TULP3: variants seen among roughly 807,000 people sequenced by gnomAD.
TULP3 encodes tubby-related protein 3.
In TULP3, 38 loss-of-function variants were observed where a neutral mutation model predicts 50.7. The observed-to-expected ratio is 0.75, with a 90% CI of 0.58 to 0.98. TULP3 has a LOEUF of 0.98. Among genes scored for constraint, TULP3 ranks in the 50% least tolerant of loss-of-function variants. TULP3 has a pLI of 0.00. For missense variants in TULP3, 550 were observed against 568.0 expected (o/e 0.97, Z 0.32); for synonymous variants, 183 against 196.6 (o/e 0.93, Z 0.58).
chr12:2,907,846 A>G (rs1487073867), intron 1 of TULP3, among the ~76,000 whole-genome samples: 1 of 152,200 alleles, frequency 6.6e-6, no homozygotes, highest in Non-Finnish European at 1.5e-5. Context: ...CATGGGGGGC[A>G]CAAAGTCAAG....
chr12:2,913,201 T>TTGTGTGTG (rs138018559), intron 2 of TULP3, among the ~76,000 whole-genome samples: 10,514 of 146,314 alleles, frequency 0.072, 459 homozygotes, highest in Non-Finnish European at 0.093. Context: ...TATGTTGAGT[T>TTGTGTGTG]TGTGTGTGTG....
chr12:2,902,072 A>G (rs965374654), intron 1 of TULP3, among the ~76,000 whole-genome samples: 3 of 152,130 alleles, frequency 2.0e-5, no homozygotes, highest in African/African-American at 7.2e-5. Context: ...CACACATACT[A>G]TGTTTATTTC....
intron 1 of TULP3, among the ~76,000 whole-genome samples, chr12:2,896,680 G>T (rs10848724): frequency 0.48 from 72,495 of 151,928 alleles, 17,746 homozygotes; most frequent in African/African-American, 0.59. Flanking sequence ...ATTTAGCTTT[G>T]CAGGAAGAAA....
At chr12:2,922,425 A>C in intron 4 of TULP3, 23 bp downstream of exon 4, 1 of 1,598,022 alleles carries the variant, frequency 6.3e-7, no homozygotes, top group Non-Finnish European at 8.5e-7. Flanking sequence ...AATGATTTTA[A>C]GGCAATTTGT....
At chr12:2,910,417 C>G (rs535204852) in intron 2 of TULP3, among the ~76,000 whole-genome samples, 5 of 152,310 alleles carry the variant, frequency 3.3e-5, no homozygotes, top group South Asian at 4.1e-4. Context: ...ATCAGAAGTT[C>G]TCAGCACAGT....
chr12:2,910,165 C>T (rs535397538), intron 2 of TULP3, among the ~76,000 whole-genome samples: 2 of 152,212 alleles, frequency 1.3e-5, no homozygotes, highest in Non-Finnish European at 2.9e-5. Context: ...TGGTGGCGGG[C>T]ACCTCTAGTC....
chr12:2,941,017 C>G lies in TULP3; in HGVS notation c.*1573C>G. ...GACCTCATCCTGCTTCTTCCTCCCT[C>G]TGGTTTAAAGAGATATATAAACTAA... On this transcript the variant is annotated 3_prime_UTR_variant, in exon 11 of 11. Coordinates refer to ENST00000448120, the MANE Select transcript of TULP3 (RefSeq NM_003324.5). 2.6e-6 allele frequency: 1 copy of G among 389,350 alleles called. No homozygotes were observed. The highest frequency in any genetic ancestry group is 4.6e-6 in the Non-Finnish European group (1 of 217,616). The allele number at this position is 389,350 out of a possible 1,614,324, so 24.1% of individuals were successfully genotyped here.
intron 2 of TULP3, among the ~76,000 whole-genome samples, chr12:2,911,034 A>G (rs531396989): frequency 6.0e-4 from 92 of 152,084 alleles, no homozygotes; most frequent in Middle Eastern, 6.8e-3. Context: ...TGGTTCATCT[A>G]TGGATCATGT....
At position 2,920,966 on chromosome 12, in the gene TULP3, C is replaced by G. The variant is rs748211451; in HGVS notation, c.253+44C>G. On this transcript the variant is annotated intron_variant, in intron 3 of 10. Coordinates refer to ENST00000448120, the MANE Select transcript of TULP3 (RefSeq NM_003324.5). Reference sequence around the variant, plus strand: ...TCACTTCCTAGTGGGGTACAATTTTCACAAACCTAGAAGGCACGAGGATTG... The same window carrying G: ...TCACTTCCTAGTGGGGTACAATTTTGACAAACCTAGAAGGCACGAGGATTG... 7.5e-6 allele frequency: 12 copies of G among 1,607,854 alleles called. No individual in the cohort carries two copies. The African/African-American group carries it at 1.5e-4, about 20-fold the overall frequency.
intron 2 of TULP3, among the ~76,000 whole-genome samples, chr12:2,910,108 C>G (rs957931458): frequency 1.3e-5 from 2 of 152,114 alleles, no homozygotes; most frequent in African/African-American, 4.8e-5. Flanking sequence ...CTGACTAACA[C>G]GGTGAAACCC....
In TULP3 at chr12:2,939,669, T is replaced by C; in HGVS notation, c.*225T>C. The C allele has an allele frequency of 7.1e-7, 1 of 1,399,898 alleles. No homozygotes were observed. Among genetic ancestry groups the C allele is most frequent in the Non-Finnish European group, 9.3e-7 (1 of 1,079,892 alleles). The allele number at this position is 1,399,898 out of a possible 1,614,324, so 86.7% of individuals were successfully genotyped here. On this transcript the variant is annotated 3_prime_UTR_variant, in exon 11 of 11. Transcript: ENST00000448120. The surrounding 1 kb of genome is among the most constrained non-coding windows in gnomAD (Gnocchi z 4.0). ...ACGAAGAGCAATAGTTTGCCCCTTTTGGAACGACCCCTGAATATATAAAAC... is the reference window on the plus strand; with the variant it reads ...ACGAAGAGCAATAGTTTGCCCCTTTCGGAACGACCCCTGAATATATAAAAC...
rs2098204408 is a variant in TULP3, at chr12:2,940,829, C to T, written c.*1385C>T. On this transcript the variant is annotated 3_prime_UTR_variant, in exon 11 of 11. Transcript: ENST00000448120. ...CTGTTTCCATCTCAGGCATGTATCCCACCAAGTGCCTCCCTCACAGCCATG... is the reference window on the plus strand; with the variant it reads ...CTGTTTCCATCTCAGGCATGTATCCTACCAAGTGCCTCCCTCACAGCCATG... 1 of 1,055,014 alleles carries T rather than the reference C, an allele frequency of 9.5e-7. No individual in the cohort carries two copies. Among genetic ancestry groups the T allele is most frequent in the Admixed American group, 2.7e-5 (1 of 37,706 alleles). 65.4% of individuals were successfully genotyped at this position (1,055,014 alleles called of 1,614,324 possible).
chr12:2,915,012 A>G lies in TULP3; in HGVS notation c.93+5432A>G, dbSNP rs182686099. 9.2e-4 allele frequency among the ~76,000 whole-genome samples: 130 copies of G among 140,684 alleles called. 1 individual carries two copies. The highest frequency in any genetic ancestry group is 4.8e-3 in the Middle Eastern group (1 of 208). The allele number at this position is 140,684 out of a possible 152,430, so 92.3% of individuals were successfully genotyped here. ...CTTTTCTTTTCTTTTTTTTGAGACAAGAGTGTAGCCCTGTTGCCCAGGCTG... is the reference window on the plus strand; with the variant it reads ...CTTTTCTTTTCTTTTTTTTGAGACAGGAGTGTAGCCCTGTTGCCCAGGCTG... On this transcript the variant is annotated intron_variant, in intron 2 of 10. Transcript: ENST00000448120.
intron 8 of TULP3, among the ~76,000 whole-genome samples, chr12:2,935,570 A>G (rs1247043770): frequency 1.3e-5 from 2 of 152,182 alleles, no homozygotes; most frequent in East Asian, 3.9e-4. Context: ...CAAAGTCTCA[A>G]CTTTCTTAAG....
At chr12:2,908,323 T>G (rs1261324557) in intron 1 of TULP3, among the ~76,000 whole-genome samples, 1 of 152,232 alleles carries the variant, frequency 6.6e-6, no homozygotes, top group African/African-American at 2.4e-5. Flanking sequence ...TGAGAACCAT[T>G]TATGCCTTAT....
chr12:2,926,993 A>G (rs2098195049), intron 4 of TULP3, among the ~76,000 whole-genome samples: 1 of 152,072 alleles, frequency 6.6e-6, no homozygotes, highest in African/African-American at 2.4e-5. Context: ...CATCACCCCC[A>G]AAAGAAACCT....
chr12:2,891,269 C>T (rs1268528619), intron 1 of TULP3, among the ~76,000 whole-genome samples: 1 of 152,166 alleles, frequency 6.6e-6, no homozygotes, highest in Non-Finnish European at 1.5e-5. Flanking sequence ...GACGGGCTCC[C>T]TCGGCCCCTC....
chr12:2,930,818 C>T (rs1425016813), intron 5 of TULP3: 5 of 610,676 alleles, frequency 8.2e-6, no homozygotes, highest in Non-Finnish European at 1.5e-5. Flanking sequence ...TTTTTTCTGT[C>T]TCAGGTCAGC....
chr12:2,925,477 G>T lies in TULP3; in HGVS notation c.394+3075G>T, dbSNP rs1000054094. 2.4e-4 allele frequency among the ~76,000 whole-genome samples: 36 copies of T among 152,340 alleles called. 1 individual carries two copies. The highest frequency in any genetic ancestry group is 7.7e-4 in the African/African-American group (32 of 41,582). On this transcript the variant is annotated intron_variant, in intron 4 of 10. Transcript: ENST00000448120. Reference sequence around the variant, plus strand: ...GTGATTCCGCTGAACAAAGAAGGATGTGTGTCTGCCTACGTGCTAGGGGAG... The same window carrying T: ...GTGATTCCGCTGAACAAAGAAGGATTTGTGTCTGCCTACGTGCTAGGGGAG...
Sources: allele counts gnomAD v4.1 joint callset (sites outside exome capture counted in the v4.1 genomes callset), GRCh38; gene constraint gnomAD v4.1.1; non-coding constraint Gnocchi (gnomAD v3.1); transcripts MANE v1.5; gene names NCBI Gene and HGNC (gene_info 2026-07-23, HGNC 2026-07-21).